CELSR3: variants seen among roughly 807,000 people sequenced by gnomAD.
CELSR3 encodes the protein EGF-like protein 1.
A neutral mutation model predicts 270.0 loss-of-function variants in CELSR3; 73 were observed. The ratio of observed to expected loss-of-function variants is 0.27; its 90% CI spans 0.22 to 0.33. The LOEUF is 0.33. CELSR3 is among the 10% of genes least tolerant of loss of function. The pLI, the probability that CELSR3 is intolerant of heterozygous loss-of-function variation, is 1.00. For synonymous variants in CELSR3, 1,780 were observed against 1,905.4 expected, an observed-to-expected ratio of 0.93 and a Z score of 1.71; for missense variants, 3,614 against 4,533.8, an observed-to-expected ratio of 0.80 and a Z score of 5.83.
chr3:48,648,238 G>GGCCCCCCCCAAC, intron 19 of CELSR3, 28 bp downstream of exon 19: 1 of 1,342,614 alleles, frequency 7.4e-7, no homozygotes, highest in Non-Finnish European at 1.1e-6. Context: ...CCCCTGCTGT[G>GGCCCCCCCCAAC]CCCCGCCCTA....
In CELSR3 at chr3:48,662,852, T is replaced by C. The variant is rs903776514; in HGVS notation, c.-218A>G. On this transcript the variant is annotated 5_prime_UTR_variant, in exon 1 of 35. An upstream start codon of the reference 5' UTR is lost. Coordinates refer to ENST00000164024, the MANE Select transcript of CELSR3 (RefSeq NM_001407.3). This position sits in a 1 kb window ranked among gnomAD's most constrained non-coding sequence, Gnocchi z 7.1. ...GGCTTTTTCCGCCCCCACCACAGCA[T>C]CCCCGACGCTGCTGCCGCCTCCCGC... 1.2e-5 allele frequency: 4 copies of C among 324,822 alleles called. No individual in the cohort carries two copies. Among genetic ancestry groups the C allele is most frequent in the African/African-American group, 2.2e-5 (1 of 44,872 alleles). 20.1% of individuals were successfully genotyped at this position (324,822 alleles called of 1,614,324 possible).
At chr3:48,647,612 T>G (rs1224443700) in intron 20 of CELSR3, among the ~76,000 whole-genome samples, 5 of 5,904 alleles carry the variant, frequency 8.5e-4, no homozygotes, top group South Asian at 6.4e-3. Context: ...GGAGGGAGGG[T>G]GGAGGGGAGA....
Position 48,640,298 on chromosome 3 carries a change from A to C in CELSR3, c.9287T>G (p.Leu3096Arg). Reference sequence around the variant, plus strand: ...GCATTCCTGGGACCCTGGCCGGCTCAGGGGACGTAGAACAGGGGCAGGGGC... The same window carrying C: ...GCATTCCTGGGACCCTGGCCGGCTCCGGGGACGTAGAACAGGGGCAGGGGC... ...EEAPAPVLRP[L>R]SRPGSQECMD... is the part of the protein sequence containing the mutation. Residue 3096 changes from leucine (L) to arginine (R), a missense_variant, in exon 34 of 35, where the codon CTG becomes CGG. Leu to Arg is a moderately radical substitution (Grantham distance 102). Coordinates refer to ENST00000164024, the MANE Select transcript of CELSR3 (RefSeq NM_001407.3). This position sits in a 1 kb window ranked among gnomAD's most constrained non-coding sequence, Gnocchi z 7.5. The C allele has an allele frequency of 6.2e-7, 1 of 1,612,844 alleles. No individual in the cohort carries two copies. The highest frequency in any genetic ancestry group is 1.1e-5 in the South Asian group (1 of 91,070).
In CELSR3 at chr3:48,659,907, A is replaced by T. The variant is rs2077054089; in HGVS notation, c.2728T>A (p.Ser910Thr). ...GGGGCCTGTAATGTAATGGCTCCTG[A>T]GTCTGCATCAATGCGGAACTGGGGC... is the stretch of plus-strand genomic sequence containing the variant. ...NLPQFRIDAD[S>T]GAITLQAPLD... The change falls in exon 1 of 35, where the codon TCA (serine) becomes ACA (threonine). Residue 910 changes from serine (S) to threonine (T), a missense_variant. Ser to Thr is a moderately conservative substitution (Grantham distance 58). This residue lies in a region of CELSR3 where 1,331 missense variants were observed against 1,933.7 expected (regional missense o/e 0.69). Coordinates refer to ENST00000164024, the MANE Select transcript of CELSR3 (RefSeq NM_001407.3). The surrounding 1 kb of genome is among the most constrained non-coding windows in gnomAD (Gnocchi z 8.1). The T allele has an allele frequency of 6.2e-7, 1 of 1,614,058 alleles. No individual in the cohort carries two copies. The highest frequency in any genetic ancestry group is 1.3e-5 in the African/African-American group (1 of 74,916).
Position 48,641,527 on chromosome 3 carries a change from G to A in CELSR3, c.8825-3C>T, listed in dbSNP as rs2106697929. 1 of 1,608,802 alleles carries A rather than the reference G, an allele frequency of 6.2e-7. No homozygotes were observed. The highest frequency in any genetic ancestry group is 8.5e-7 in the Non-Finnish European group (1 of 1,176,926). On this transcript the variant is annotated splice_polypyrimidine_tract_variant and splice_region_variant and intron_variant, in intron 32 of 34. Transcript: ENST00000164024. The surrounding 1 kb of genome is among the most constrained non-coding windows in gnomAD (Gnocchi z 4.8). Reference sequence around the variant, plus strand: ...CAGGAGGTCATTGCCATCCACATCTGTGGAGCCAGGTCAGGTTACAGGAGC... The same window carrying A: ...CAGGAGGTCATTGCCATCCACATCTATGGAGCCAGGTCAGGTTACAGGAGC...
At chr3:48,647,082 G>A (rs2047090894) in intron 20 of CELSR3, among the ~76,000 whole-genome samples, 154 bp from the exon 21 acceptor site, 1 of 145,174 alleles carries the variant, frequency 6.9e-6, no homozygotes, top group African/African-American at 2.6e-5. Flanking sequence ...AACAGTCAAG[G>A]CCTGGGAGGG....
rs1245636617 is a variant in CELSR3, at chr3:48,643,674, G to A, written c.8169C>T (p.Thr2723=). The change falls in exon 28 of 35, where the codon ACC becomes ACT. Residue 2723 remains threonine (T), a synonymous_variant. Coordinates refer to ENST00000164024, the MANE Select transcript of CELSR3 (RefSeq NM_001407.3). The part of the protein sequence containing the change: ...QREAKKTSAL[T]LRSSFLLLLL... ...GAAGCAGCAGGAAGGAGCTGCGAAG[G>A]GTCCTGCTGTGGGGACATGGGAAGA... The A allele has an allele frequency of 5.2e-6, 8 of 1,552,464 alleles. No individual in the cohort carries two copies. In the Admixed American group the frequency reaches 9.8e-5, roughly 19 times the overall value.
Position 48,639,194 on chromosome 3 carries a change from A to G in CELSR3, c.9911+480T>C, listed in dbSNP as rs1414773853. ...GAGGAACTCAATGTTGACTGAATAC[A>G]TCGATGAATGAATGATTTATCCTCA... On this transcript the variant is annotated intron_variant, in intron 34 of 34. Transcript: ENST00000164024. The surrounding 1 kb of genome is among the most constrained non-coding windows in gnomAD (Gnocchi z 4.1). 6.6e-6 allele frequency among the ~76,000 whole-genome samples: 1 copy of G among 152,204 alleles called. No individual in the cohort carries two copies. Among genetic ancestry groups the G allele is most frequent in the Non-Finnish European group, 1.5e-5 (1 of 68,044 alleles).
Position 48,651,674 on chromosome 3 carries a change from A to G in CELSR3, c.5968T>C (p.Cys1990Arg). 1 of 1,579,726 alleles carries G rather than the reference A, an allele frequency of 6.3e-7. No individual in the cohort carries two copies. The highest frequency in any genetic ancestry group is 8.6e-7 in the Non-Finnish European group (1 of 1,164,314). ...GCVDACLLNP[C>R]QNQGSCRHLP... ...TGCCGGCATGATCCCTGGTTCTGAC[A>G]GGGGTTCAGGAGGCAGGCATCCACA... is the stretch of plus-strand genomic sequence containing the variant. The change falls in exon 13 of 35, where the codon TGT (cysteine) becomes CGT (arginine). Residue 1990 changes from cysteine to arginine, a missense_variant. Physicochemically the swap from Cys to Arg is radical, Grantham distance 180. This residue lies in a region of CELSR3 where 1,331 missense variants were observed against 1,933.7 expected (regional missense o/e 0.69). Transcript: ENST00000164024. The surrounding 1 kb of genome is among the most constrained non-coding windows in gnomAD (Gnocchi z 7.4).
Position 48,642,960 on chromosome 3 carries a change from G to T in CELSR3, c.8406+7C>A. 6.2e-7 allele frequency: 1 copy of T among 1,610,870 alleles called. No individual in the cohort carries two copies. Among genetic ancestry groups the T allele is most frequent in the South Asian group, 1.1e-5 (1 of 91,000 alleles). ...TCTGGCTTCTCAGGGCCCCCATCCCGACTCACCAGCCCAGGTGCTGGCCTT... is the reference window on the plus strand; with the variant it reads ...TCTGGCTTCTCAGGGCCCCCATCCCTACTCACCAGCCCAGGTGCTGGCCTT... On this transcript the variant is annotated splice_region_variant and intron_variant, in intron 29 of 34. Coordinates refer to ENST00000164024, the MANE Select transcript of CELSR3 (RefSeq NM_001407.3). The surrounding 1 kb of genome is among the most constrained non-coding windows in gnomAD (Gnocchi z 6.1).
At position 48,662,708 on chromosome 3, in the gene CELSR3, C is replaced by G. The variant is rs2077079106; in HGVS notation, c.-74G>C. On this transcript the variant is annotated 5_prime_UTR_variant, in exon 1 of 35. Transcript: ENST00000164024. The surrounding 1 kb of genome is among the most constrained non-coding windows in gnomAD (Gnocchi z 7.1). ...CTTGGGCTGGCCCCGCCGCTCGGGC[C>G]CCCTCCCGGGCCCCTGCCGCCGCCC... 1.1e-5 allele frequency: 7 copies of G among 639,290 alleles called. No homozygotes were observed. In the South Asian group the frequency reaches 5.0e-4, roughly 46 times the overall value. 39.6% of individuals were successfully genotyped at this position (639,290 alleles called of 1,614,324 possible).
Position 48,649,163 on chromosome 3 carries a change from G to A in CELSR3, c.6525C>T (p.Leu2175=). The A allele has an allele frequency of 6.2e-7, 1 of 1,612,502 alleles. No individual in the cohort carries two copies. The highest frequency in any genetic ancestry group is 8.5e-7 in the Non-Finnish European group (1 of 1,179,540). ...DEAQGWLEPD[L]FNCTSPAFRE... is the part of the protein sequence containing the mutation. Reference sequence around the variant, plus strand: ...GAAAGGCAGGGGAGGTACAGTTGAAGAGGTCGGGCTCCAGCCAACCCTGGG... The same window carrying A: ...GAAAGGCAGGGGAGGTACAGTTGAAAAGGTCGGGCTCCAGCCAACCCTGGG... The change falls in exon 17 of 35, where the codon CTC becomes CTT. Residue 2175 remains leucine (L), a synonymous_variant. Transcript: ENST00000164024.
chr3:48,647,000 C>A lies in CELSR3; in HGVS notation c.7130-72G>T. The A allele has an allele frequency of 2.9e-6, 4 of 1,390,654 alleles. No homozygotes were observed. The highest frequency in any genetic ancestry group is 3.8e-6 in the Non-Finnish European group (4 of 1,051,630). 86.1% of individuals were successfully genotyped at this position (1,390,654 alleles called of 1,614,324 possible). On this transcript the variant is annotated intron_variant, in intron 20 of 34. Transcript: ENST00000164024. This position sits in a 1 kb window ranked among gnomAD's most constrained non-coding sequence, Gnocchi z 4.8. ...AGCACCCACCAACCCAGCTCTGAAC[C>A]CGATCAAGCATGGGGGTCTCTTCCC...
At position 48,638,073 on chromosome 3, in the gene CELSR3, CAGG is replaced by C. The variant is rs2046988700; in HGVS notation, c.*129_*131del. 1.4e-6 allele frequency: 1 copy of C among 730,744 alleles called. No individual in the cohort carries two copies. The highest frequency in any genetic ancestry group is 2.6e-5 in the East Asian group (1 of 38,846). 45.3% of individuals were successfully genotyped at this position (730,744 alleles called of 1,614,324 possible). On this transcript the variant is annotated 3_prime_UTR_variant, in exon 35 of 35. Transcript: ENST00000164024. ...ACATGGAGCCTCAGCCCTGCCACAC[CAGG>C]TAGAGCTGGGGCACCCACCACTGGG...
Position 48,656,706 on chromosome 3 carries a change from C to G in CELSR3, c.4391G>C (p.Arg1464Pro), listed in dbSNP as rs1292520530. Residue 1464 changes from arginine (R) to proline (P), a missense_variant, in exon 2 of 35, where the codon CGC (arginine) becomes CCC (proline). This residue lies in a region of CELSR3 where 1,331 missense variants were observed against 1,933.7 expected (regional missense o/e 0.69). Coordinates refer to ENST00000164024, the MANE Select transcript of CELSR3 (RefSeq NM_001407.3). ...CCCGGCGCCCTGCTCACCGGTGAAG[C>G]GCGGGCGGCAGACGCACGTGTAGCC... Reference protein sequence around the residue: ...EGGYTCVCRPRFTGEDCELDT... With the variant: ...EGGYTCVCRPPFTGEDCELDT... 6.7e-7 allele frequency: 1 copy of G among 1,490,312 alleles called. No homozygotes were observed. The highest frequency in any genetic ancestry group is 8.9e-7 in the Non-Finnish European group (1 of 1,126,782). The allele number at this position is 1,490,312 out of a possible 1,614,324, so 92.3% of individuals were successfully genotyped here. A position where few individuals can be genotyped will look rare whatever the true frequency, so the allele number is the denominator to read the frequency against.
At chr3:48,643,889 GAA>G (rs1430214242) in intron 27 of CELSR3, 1 of 616,126 alleles carries the variant, frequency 1.6e-6, no homozygotes, top group African/African-American at 1.8e-5. Flanking sequence ...GACACGTGGG[GAA>G]AACACAGGGG....
Position 48,661,512 on chromosome 3 carries a change from G to C in CELSR3, c.1123C>G (p.Leu375Val). The change falls in exon 1 of 35, where the codon CTG (leucine) becomes GTG (valine). Residue 375 changes from leucine (L) to valine (V), a missense_variant. By Grantham distance (32) the Leu-to-Val change is conservative. Transcript: ENST00000164024. ...CCGCTCTGCGGGTCGATGCTGAACA[G>C]CTCCAGCGAGCGGCTGTTCATGAGT... Reference protein sequence around the residue: ...AALMNSRSLELFSIDPQSGLI... With the variant: ...AALMNSRSLEVFSIDPQSGLI... 1 of 1,604,096 alleles carries C rather than the reference G, an allele frequency of 6.2e-7. No individual in the cohort carries two copies. The highest frequency in any genetic ancestry group is 1.1e-5 in the South Asian group (1 of 90,398).
In CELSR3 at chr3:48,655,209, C is replaced by T. The variant is rs779906328; in HGVS notation, c.4831-8G>A. The T allele has an allele frequency of 1.7e-5, 27 of 1,613,868 alleles. No individual in the cohort carries two copies. The highest frequency in any genetic ancestry group is 8.0e-5 in the African/African-American group (6 of 74,870). ...TAGGGCATCTGTCCGGGGCTGAAGA[C>T]GCAGGCACACCAGTCAACAGTGCCC... On this transcript the variant is annotated splice_polypyrimidine_tract_variant and splice_region_variant and intron_variant, in intron 5 of 34. Coordinates refer to ENST00000164024, the MANE Select transcript of CELSR3 (RefSeq NM_001407.3). The surrounding 1 kb of genome is among the most constrained non-coding windows in gnomAD (Gnocchi z 5.8).
rs2047127052 is a variant in CELSR3 at position 48,650,448 on chromosome 3, C to T, written c.6472+32G>A. 8.2e-7 allele frequency: 1 copy of T among 1,221,704 alleles called. No individual in the cohort carries two copies. Among genetic ancestry groups the T allele is most frequent in the Non-Finnish European group, 1.2e-6 (1 of 853,626 alleles). 75.7% of individuals were successfully genotyped at this position (1,221,704 alleles called of 1,614,324 possible). On this transcript the variant is annotated intron_variant, in intron 16 of 34. Transcript: ENST00000164024. The surrounding 1 kb of genome is among the most constrained non-coding windows in gnomAD (Gnocchi z 5.1). ...GTCAGAGTACAGGCCCACCCCCACCCTCAGTGATGTCCTTTCCCCCCACAT... is the reference window on the plus strand; with the variant it reads ...GTCAGAGTACAGGCCCACCCCCACCTTCAGTGATGTCCTTTCCCCCCACAT...
Sources: allele counts gnomAD v4.1 joint callset (sites outside exome capture counted in the v4.1 genomes callset), GRCh38; gene constraint gnomAD v4.1.1; regional missense constraint gnomAD v4.1.1; non-coding constraint Gnocchi (gnomAD v3.1); transcripts MANE v1.5; gene names NCBI Gene and HGNC (gene_info 2026-07-23, HGNC 2026-07-21).